The following ZNF804A variants were observed in gnomAD, a reference collection of about 807,000 sequenced individuals.
The protein encoded by ZNF804A is zinc finger protein 804A.
Under a neutral mutation model 16.5 loss-of-function variants are expected in ZNF804A, and 2 were observed. The observed-to-expected ratio is 0.12, with a 90% CI of 0.05 to 0.38. The LOEUF (loss-of-function observed/expected upper bound fraction) is 0.38, where lower values mean the gene tolerates loss of function less well. ZNF804A is among the 10% of genes least tolerant of loss of function. The pLI is 0.99. For synonymous variants in ZNF804A, 534 were observed against 489.6 expected, an observed-to-expected ratio of 1.09 and a Z score of -1.20; for missense variants, 1,473 against 1,390.7, an observed-to-expected ratio of 1.06 and a Z score of -0.94.
intron 1 of ZNF804A, among the ~76,000 whole-genome samples, chr2:184,617,148 A>G (rs181358641): frequency 5.7e-4 from 87 of 152,274 alleles, no homozygotes; most frequent in South Asian, 8.3e-4. Flanking sequence ...AAAGGACATA[A>G]TTTTAAAATT....
At chr2:184,935,387 T>C (rs1685767735) in intron 3 of ZNF804A, among the ~76,000 whole-genome samples, 1 of 152,176 alleles carries the variant, frequency 6.6e-6, no homozygotes, top group African/African-American at 2.4e-5. Context: ...AGAACTTTCA[T>C]CATATTTACC....
At chr2:184,783,154 T>TG (rs1392752597) in intron 1 of ZNF804A, among the ~76,000 whole-genome samples, 1 of 144,286 alleles carries the variant, frequency 6.9e-6, no homozygotes, top group Non-Finnish European at 1.5e-5. Flanking sequence ...TTTTTTTTTT[T>TG]TTTTTTTTTA....
chr2:184,800,686 TAA>T (rs1418305994), intron 1 of ZNF804A, among the ~76,000 whole-genome samples: 5 of 151,872 alleles, frequency 3.3e-5, no homozygotes, highest in African/African-American at 1.2e-4. Flanking sequence ...TTAACTAGTC[TAA>T]GTCCCTCATC....
intron 1 of ZNF804A, among the ~76,000 whole-genome samples, chr2:184,661,703 C>A (rs923358823): frequency 6.6e-6 from 1 of 152,126 alleles, no homozygotes; most frequent in African/African-American, 2.4e-5. Context: ...CTACCGGAAC[C>A]AGCAGCTTGG....
chr2:184,820,174 T>C (rs1274013352), intron 1 of ZNF804A, among the ~76,000 whole-genome samples: 2 of 152,134 alleles, frequency 1.3e-5, no homozygotes, highest in East Asian at 3.9e-4. Context: ...CCCAATGAAA[T>C]ACTGACAGAC....
chr2:184,858,650 A>T (rs1236557432), intron 1 of ZNF804A, among the ~76,000 whole-genome samples: 1 of 152,068 alleles, frequency 6.6e-6, no homozygotes, highest in East Asian at 1.9e-4. Flanking sequence ...TATTGTAATG[A>T]TAATTATTTT....
chr2:184,898,540 G>A (rs954951065), intron 2 of ZNF804A, among the ~76,000 whole-genome samples: 1 of 151,956 alleles, frequency 6.6e-6, no homozygotes, highest in East Asian at 1.9e-4. Context: ...ACTGCAAATT[G>A]TTTACAAAGT....
rs796563776 is a variant in ZNF804A, at chr2:184,936,225, T to C, written c.829T>C (p.Ser277Pro). 1.2e-6 allele frequency: 2 copies of C among 1,614,004 alleles called. No homozygotes were observed. Among genetic ancestry groups the C allele is most frequent in the Admixed American group, 1.7e-5 (1 of 59,982 alleles). Residue 277 changes from serine to proline, a missense_variant, in exon 4 of 4, where the codon TCT becomes CCT. Coordinates refer to ENST00000302277, the MANE Select transcript of ZNF804A (RefSeq NM_194250.2). ...TTTGAGTTCTGAGGAGAAAACTAAC[T>C]CTTTTCATCCACCAGAGGCAATGTG... ...VLLSSEEKTN[S>P]FHPPEAMCRD...
intron 2 of ZNF804A, among the ~76,000 whole-genome samples, chr2:184,896,327 A>G (rs1356134172): frequency 6.6e-6 from 1 of 152,192 alleles, no homozygotes; most frequent in Non-Finnish European, 1.5e-5. Flanking sequence ...TCATTTATAC[A>G]TAAAGAGCCA....
chr2:184,926,572 T>A (rs1269348855), intron 2 of ZNF804A, among the ~76,000 whole-genome samples: 2 of 152,120 alleles, frequency 1.3e-5, no homozygotes, highest in African/African-American at 4.8e-5. Context: ...TTCACTTTTA[T>A]TATCCCTTTG....
intron 1 of ZNF804A, among the ~76,000 whole-genome samples, chr2:184,632,833 A>G (rs1324305387): frequency 6.6e-6 from 1 of 152,218 alleles, no homozygotes; most frequent in Non-Finnish European, 1.5e-5. Flanking sequence ...GCCAGAGTTT[A>G]GCAAACATTG....
chr2:184,899,153 G>C (rs1353582592), intron 2 of ZNF804A, among the ~76,000 whole-genome samples: 8 of 151,826 alleles, frequency 5.3e-5, no homozygotes, highest in African/African-American at 1.9e-4. Context: ...ATGGGCTTCT[G>C]TTTTCTATTC....
intron 2 of ZNF804A, among the ~76,000 whole-genome samples, chr2:184,895,280 A>G (rs1490172004): frequency 2.6e-5 from 4 of 152,094 alleles, no homozygotes; most frequent in Middle Eastern, 3.4e-3. Context: ...TTAACTTGCT[A>G]TATTTTTTAT....
intron 1 of ZNF804A, among the ~76,000 whole-genome samples, chr2:184,861,999 G>A (rs996460496): frequency 1.3e-5 from 2 of 152,136 alleles, no homozygotes; most frequent in African/African-American, 4.8e-5. Context: ...AGAATGACCT[G>A]ACTCGTTGCA....
chr2:184,784,945 G>T (rs768324328), intron 1 of ZNF804A, among the ~76,000 whole-genome samples: 3 of 151,966 alleles, frequency 2.0e-5, no homozygotes, highest in Admixed American at 6.6e-5. Flanking sequence ...AAATCAGGTC[G>T]CTTGAGAGAC....
chr2:184,854,991 G>A (rs6720759), intron 1 of ZNF804A, among the ~76,000 whole-genome samples: 2 of 152,052 alleles, frequency 1.3e-5, no homozygotes, highest in Non-Finnish European at 1.5e-5. Flanking sequence ...TGTCACAAAG[G>A]AGTAGAAAAT....
At chr2:184,935,761 A>T (rs1006825698) in intron 3 of ZNF804A, 22 bp from the exon 4 acceptor site, 1 of 1,549,770 alleles carries the variant, frequency 6.5e-7, no homozygotes, top group Non-Finnish European at 8.7e-7. Context: ...TATTTAACAC[A>T]TGCTTCTGTT....
intron 3 of ZNF804A, among the ~76,000 whole-genome samples, chr2:184,934,279 G>T (rs1685750993): frequency 6.6e-6 from 1 of 152,096 alleles, no homozygotes; most frequent in Non-Finnish European, 1.5e-5. Flanking sequence ...TTCTAACAGT[G>T]AGCAGCTATT....
intron 1 of ZNF804A, among the ~76,000 whole-genome samples, chr2:184,651,301 T>C (rs1297989491): frequency 6.6e-6 from 1 of 152,096 alleles, no homozygotes; most frequent in Non-Finnish European, 1.5e-5. Context: ...TCAAAATGGA[T>C]TAAAGATTTA....
Sources: gnomAD v4.1 joint callset for allele counts (sites outside exome capture counted in the v4.1 genomes callset) on GRCh38, gnomAD v4.1.1 for gene constraint, MANE v1.5 for transcripts, NCBI Gene and HGNC (gene_info 2026-07-23, HGNC 2026-07-21) for gene names.